The following GRK3 variants were observed in gnomAD, a reference collection of about 807,000 sequenced individuals.
GRK3 encodes the protein adrenergic, beta, receptor kinase 2.
In GRK3, 54 loss-of-function variants were observed where a neutral mutation model predicts 95.7. The ratio of observed to expected loss-of-function variants is 0.56; its 90% CI spans 0.45 to 0.71. GRK3 has a LOEUF of 0.71. GRK3 is among the 30% of genes least tolerant of loss of function. The probability of loss-of-function intolerance (pLI) is 0.00; values close to 1 mark genes in which losing one functional copy is unlikely to be tolerated. For missense variants in GRK3, 649 were observed against 851.2 expected (o/e 0.76, Z 2.96); for synonymous variants, 281 against 290.8 (o/e 0.97, Z 0.34).
At chr22:25,651,436 A>G (rs1302154845) in intron 3 of GRK3, among the ~76,000 whole-genome samples, 1 of 152,212 alleles carries the variant, frequency 6.6e-6, no homozygotes, top group African/African-American at 2.4e-5. Flanking sequence ...GACTTCATGC[A>G]AGTTGGCAAT....
intron 7 of GRK3, among the ~76,000 whole-genome samples, chr22:25,672,629 T>A: frequency 6.6e-6 from 1 of 152,326 alleles, no homozygotes; most frequent in Non-Finnish European, 1.5e-5. Flanking sequence ...AAAATACAAA[T>A]CTTTTACTTA....
intron 3 of GRK3, among the ~76,000 whole-genome samples, chr22:25,659,203 G>C (rs954067313): frequency 1.3e-5 from 2 of 152,134 alleles, no homozygotes; most frequent in Non-Finnish European, 1.5e-5. Flanking sequence ...GCCTGGAGAG[G>C]ATAGGTCACA....
chr22:25,636,641 C>T (rs2084703612), intron 2 of GRK3, among the ~76,000 whole-genome samples: 1 of 152,158 alleles, frequency 6.6e-6, no homozygotes. Flanking sequence ...ACCCACATAA[C>T]CCCTACCTCT....
At chr22:25,634,368 G>A (rs575117267) in intron 2 of GRK3, among the ~76,000 whole-genome samples, 7 of 152,304 alleles carry the variant, frequency 4.6e-5, no homozygotes, top group Admixed American at 2.6e-4. Flanking sequence ...AAGATGTAAG[G>A]TAGTTGTTTC....
intron 5 of GRK3, among the ~76,000 whole-genome samples, chr22:25,667,438 A>G (rs988749824): frequency 2.0e-5 from 3 of 152,220 alleles, no homozygotes; most frequent in African/African-American, 7.2e-5. Flanking sequence ...TCACACTTCC[A>G]TGAAGCGAGC....
chr22:25,668,657 T>G (rs2084958471), intron 6 of GRK3, among the ~76,000 whole-genome samples: 2 of 152,212 alleles, frequency 1.3e-5, no homozygotes, highest in South Asian at 4.1e-4. Context: ...TAGCAGGAAC[T>G]TTGCCAAAAA....
At chr22:25,660,709 A>G (rs1171074165) in intron 3 of GRK3, among the ~76,000 whole-genome samples, 6 of 152,168 alleles carry the variant, frequency 3.9e-5, no homozygotes, top group East Asian at 1.9e-4. Context: ...CATATGTACT[A>G]ATCAGTCATT....
intron 12 of GRK3, among the ~76,000 whole-genome samples, chr22:25,693,407 C>G (rs1345563702): frequency 6.6e-6 from 1 of 152,142 alleles, no homozygotes; most frequent in Non-Finnish European, 1.5e-5. Flanking sequence ...TCTTTCCATT[C>G]CAGAACTGTG....
intron 9 of GRK3, among the ~76,000 whole-genome samples, chr22:25,680,434 TA>T (rs1471078078): frequency 6.6e-6 from 1 of 152,246 alleles, no homozygotes; most frequent in Non-Finnish European, 1.5e-5. Context: ...AAGTGGTTAT[TA>T]AAATATTAAT....
chr22:25,687,813 A>G (rs927095940), intron 11 of GRK3, 146 bp downstream of exon 11: 7 of 871,586 alleles, frequency 8.0e-6, no homozygotes, highest in South Asian at 1.8e-5. Flanking sequence ...ATGACATTTT[A>G]TCTCCTCTAG....
chr22:25,573,916 AAACCAACCAACCAACC>A (rs71191073), intron 1 of GRK3, among the ~76,000 whole-genome samples: 1 of 151,574 alleles, frequency 6.6e-6, no homozygotes, highest in African/African-American at 2.4e-5. Flanking sequence ...AGAAACAAAA[AAACCAACCAACCAACC>A]AACCAACCAA....
intron 1 of GRK3, among the ~76,000 whole-genome samples, chr22:25,579,229 A>G (rs2146316984): frequency 6.6e-6 from 1 of 150,556 alleles, no homozygotes; most frequent in East Asian, 2.0e-4. Context: ...GTGTGATCAC[A>G]GCTCACTTCA....
At chr22:25,709,005 G>A (rs1286547376) in intron 15 of GRK3, among the ~76,000 whole-genome samples, 1 of 151,682 alleles carries the variant, frequency 6.6e-6, no homozygotes, top group Non-Finnish European at 1.5e-5. Flanking sequence ...TGACCTTCAA[G>A]AAAACTTGTT....
intron 16 of GRK3, 144 bp from the exon 17 acceptor site, chr22:25,710,924 A>G: frequency 2.2e-6 from 1 of 462,196 alleles, no homozygotes; most frequent in Non-Finnish European, 3.8e-6. Context: ...AAAATATGAA[A>G]TGTGATTTGT....
At chr22:25,612,844 A>G (rs2084508969) in intron 2 of GRK3, among the ~76,000 whole-genome samples, 1 of 144,252 alleles carries the variant, frequency 6.9e-6, no homozygotes, top group African/African-American at 2.7e-5. Context: ...TACTACCTCT[A>G]AAAGTTAAAA....
At chr22:25,650,140 AC>A (rs1295331812) in intron 3 of GRK3, among the ~76,000 whole-genome samples, 1 of 151,776 alleles carries the variant, frequency 6.6e-6, no homozygotes, top group Non-Finnish European at 1.5e-5. Context: ...TACAGGTAGC[AC>A]CCTGTAATCC....
intron 6 of GRK3, among the ~76,000 whole-genome samples, chr22:25,669,972 T>G (rs559674845): frequency 1.3e-5 from 2 of 152,346 alleles, no homozygotes; most frequent in Admixed American, 6.5e-5. Flanking sequence ...GCCTTTTGCA[T>G]GCACCATACT....
rs1250585676 is a variant in GRK3 at position 25,689,132 on chromosome 22, C to T, written c.958-1057C>T. Among the ~76,000 whole-genome samples, 5 of 150,974 alleles carry T rather than the reference C, an allele frequency of 3.3e-5. No homozygotes were observed. In the South Asian group the frequency reaches 6.3e-4, roughly 19 times the overall value. On this transcript the variant is annotated intron_variant, in intron 11 of 20. Transcript: ENST00000324198. ...AATTTTAAACCTTTCTGTAAGGTTA[C>T]AGAATTATTATTATTCTCTTAGTTT... is the stretch of plus-strand genomic sequence containing the variant.
At chr22:25,721,801 A>G (rs1218780480) in intron 20 of GRK3, among the ~76,000 whole-genome samples, 2 of 152,214 alleles carry the variant, frequency 1.3e-5, no homozygotes, top group African/African-American at 4.8e-5. Flanking sequence ...TTGTAACACA[A>G]ATTTCATTCC....
Sources: gnomAD v4.1 joint callset for allele counts (sites outside exome capture counted in the v4.1 genomes callset) on GRCh38, gnomAD v4.1.1 for gene constraint, MANE v1.5 for transcripts, NCBI Gene and HGNC (gene_info 2026-07-23, HGNC 2026-07-21) for gene names.